TMOD1: variants seen among roughly 807,000 people sequenced by gnomAD.
TMOD1 encodes tropomodulin-1.
TMOD1 carries 17 observed loss-of-function variants against 40.6 expected under a neutral mutation model. The observed-to-expected ratio is 0.42, with a 90% CI of 0.29 to 0.63. The LOEUF is 0.63. TMOD1 is among the 20% of genes least tolerant of loss of function. The probability of loss-of-function intolerance (pLI) is 0.22; values close to 1 mark genes in which losing one functional copy is unlikely to be tolerated. For missense variants in TMOD1, 391 were observed against 447.6 expected (o/e 0.87, Z 1.14); for synonymous variants, 181 against 175.0 (o/e 1.03, Z -0.27).
intron 2 of TMOD1, among the ~76,000 whole-genome samples, chr9:97,526,306 GAATTCATCCCTGCAGTCAGGGT>G (rs1830013084): frequency 1.3e-5 from 2 of 152,196 alleles, no homozygotes; most frequent in African/African-American, 4.8e-5. Flanking sequence ...TTAATACTCA[GAATTCATCCCTGCAGTCAGGGT>G]ACACAGTGTC....
At chr9:97,599,491 C>T (rs1587970684) in intron 9 of TMOD1, 143 bp from the exon 10 acceptor site, 3 of 978,918 alleles carry the variant, frequency 3.1e-6, no homozygotes, top group East Asian at 2.7e-5. Flanking sequence ...ACAACTCACA[C>T]ATACTGTCCT....
intron 1 of TMOD1, among the ~76,000 whole-genome samples, chr9:97,519,994 C>T (rs543358202): frequency 3.4e-4 from 52 of 152,200 alleles, no homozygotes; most frequent in African/African-American, 1.1e-3. Context: ...GACCAAGAAA[C>T]CCAGTCCAGG....
chr9:97,562,476 G>A (rs1421563873), intron 4 of TMOD1, among the ~76,000 whole-genome samples: 2 of 152,222 alleles, frequency 1.3e-5, no homozygotes, highest in African/African-American at 2.4e-5. Flanking sequence ...ATTCTGGTTT[G>A]GCCACGTTGA....
At chr9:97,591,209 G>T in intron 8 of TMOD1, 82 bp from the exon 9 acceptor site, 1 of 1,403,064 alleles carries the variant, frequency 7.1e-7, no homozygotes, top group Non-Finnish European at 9.5e-7. Flanking sequence ...AAGAGTTTCT[G>T]CAGGTAGAGG....
chr9:97,586,028 C>T, intron 8 of TMOD1, among the ~76,000 whole-genome samples: 1 of 151,828 alleles, frequency 6.6e-6, no homozygotes. Flanking sequence ...CTCCATCCAG[C>T]TTTGTTCCGT....
At position 97,565,905 on chromosome 9, in the gene TMOD1, GT is replaced by G; in HGVS notation, c.677del (p.Val226GlyfsTer29). 1 of 1,614,234 alleles carries G rather than the reference GT, an allele frequency of 6.2e-7. No individual in the cohort carries two copies. The highest frequency in any genetic ancestry group is 8.5e-7 in the Non-Finnish European group (1 of 1,180,046). On this transcript the variant is annotated frameshift_variant, in exon 7 of 10. Transcript: ENST00000259365. LOFTEE classifies it high-confidence loss of function. The stretch of plus-strand genomic sequence containing the variant: ...AGAAGCCCTGAAAGAAAACTCATAT[GT>G]GAAGAAGTTCAGCATCGTGGGGACA... ...YAEALKENSY[V>X]KKFSIVGTRS...
intron 2 of TMOD1, among the ~76,000 whole-genome samples, chr9:97,530,543 A>G (rs1018803136): frequency 6.7e-6 from 1 of 149,904 alleles, no homozygotes; most frequent in Admixed American, 6.7e-5. Flanking sequence ...GCTGGAGTGC[A>G]GTGGCATGAT....
chr9:97,565,713 C>G (rs1395655352), intron 6 of TMOD1, 135 bp from the exon 7 acceptor site: 1 of 685,682 alleles, frequency 1.5e-6, no homozygotes, highest in Admixed American at 2.3e-5. Flanking sequence ...CGGGACAAAG[C>G]CTAAACCTTT....
At chr9:97,587,714 C>T (rs2131289088) in intron 8 of TMOD1, among the ~76,000 whole-genome samples, 1 of 152,186 alleles carries the variant, frequency 6.6e-6, no homozygotes, top group African/African-American at 2.4e-5. Context: ...TTTTATCACT[C>T]AAAAAAGAAA....
At chr9:97,536,279 C>T (rs966448676) in intron 2 of TMOD1, among the ~76,000 whole-genome samples, 1 of 152,136 alleles carries the variant, frequency 6.6e-6, no homozygotes, top group Non-Finnish European at 1.5e-5. Flanking sequence ...AGTCAAATCC[C>T]TTGTAAAAGG....
chr9:97,572,569 C>A (rs867740874), intron 8 of TMOD1, among the ~76,000 whole-genome samples: 2 of 152,048 alleles, frequency 1.3e-5, no homozygotes, highest in Non-Finnish European at 2.9e-5. Context: ...ACCTGTGCCT[C>A]CCCTTCAGGT....
chr9:97,581,457 G>A (rs575736991), intron 8 of TMOD1, among the ~76,000 whole-genome samples: 8 of 152,090 alleles, frequency 5.3e-5, no homozygotes, highest in African/African-American at 1.7e-4. Context: ...ATAAACATAC[G>A]TGTGCAGGTG....
At chr9:97,509,465 T>C (rs1829657810) in intron 1 of TMOD1, among the ~76,000 whole-genome samples, 1 of 151,954 alleles carries the variant, frequency 6.6e-6, no homozygotes, top group South Asian at 2.1e-4. Context: ...TTTTATGCCG[T>C]TTTGGGGGTT....
intron 9 of TMOD1, among the ~76,000 whole-genome samples, chr9:97,592,071 AATG>A (rs1260269907): frequency 4.8e-5 from 2 of 41,332 alleles, no homozygotes; most frequent in African/African-American, 1.4e-4. Flanking sequence ...ATTTTTTGAT[AATG>A]AACACTTATA....
chr9:97,562,685 C>T (rs755029038), intron 4 of TMOD1, 47 bp from the exon 5 acceptor site: 10 of 1,424,426 alleles, frequency 7.0e-6, no homozygotes, highest in Non-Finnish European at 9.4e-6. Flanking sequence ...CTAGGAGGCT[C>T]TTCTGTCTGC....
At chr9:97,580,322 A>G (rs1825719177) in intron 8 of TMOD1, among the ~76,000 whole-genome samples, 1 of 152,176 alleles carries the variant, frequency 6.6e-6, no homozygotes, top group African/African-American at 2.4e-5. Context: ...AATAATACAG[A>G]GGAGCCGAGT....
At chr9:97,530,946 C>A (rs1341714367) in intron 2 of TMOD1, among the ~76,000 whole-genome samples, 2 of 151,338 alleles carry the variant, frequency 1.3e-5, no homozygotes, top group Admixed American at 1.3e-4. Context: ...CATCACCATG[C>A]CCGGCTAATT....
At chr9:97,527,728 G>A (rs1830039179) in intron 2 of TMOD1, among the ~76,000 whole-genome samples, 1 of 152,228 alleles carries the variant, frequency 6.6e-6, no homozygotes, top group Non-Finnish European at 1.5e-5. Flanking sequence ...CAGAGACTCA[G>A]AGGGGTTTTG....
intron 1 of TMOD1, among the ~76,000 whole-genome samples, chr9:97,514,913 C>T (rs1190706317): frequency 1.3e-5 from 2 of 152,206 alleles, no homozygotes; most frequent in Non-Finnish European, 2.9e-5. Context: ...CCTGGCATGA[C>T]TTCCTGGCCC....
Sources: allele counts gnomAD v4.1 joint callset (sites outside exome capture counted in the v4.1 genomes callset), GRCh38; gene constraint gnomAD v4.1.1; transcripts MANE v1.5; gene names NCBI Gene and HGNC (gene_info 2026-07-23, HGNC 2026-07-21).